ELMO1: variants seen among roughly 807,000 people sequenced by gnomAD.
ELMO1 encodes the protein engulfment and cell motility 1, also known as engulfment and cell motility protein 1.
In ELMO1, 26 loss-of-function variants were observed where a neutral mutation model predicts 98.9. The ratio of observed to expected loss-of-function variants is 0.26; its 90% confidence interval spans 0.19 to 0.36. The LOEUF (loss-of-function observed/expected upper bound fraction) is 0.36. Ranked by LOEUF, ELMO1 falls within the 10% of genes least tolerant of loss-of-function variation. The pLI is 1.00. For synonymous variants in ELMO1, 346 were observed against 346.0 expected (o/e 1.00, Z 0.00); for missense variants, 627 against 935.2 (o/e 0.67, Z 4.30).
At chr7:36,938,049 T>G (rs1786700375) in intron 16 of ELMO1, among the ~76,000 whole-genome samples, 1 of 152,180 alleles carries the variant, frequency 6.6e-6, no homozygotes, top group Non-Finnish European at 1.5e-5. Flanking sequence ...CTTGCCAGTT[T>G]ATGAAACATC....
At chr7:37,428,905 G>A (rs1396015739) in intron 1 of ELMO1, among the ~76,000 whole-genome samples, 2 of 152,204 alleles carry the variant, frequency 1.3e-5, no homozygotes, top group African/African-American at 4.8e-5. Flanking sequence ...TGCAAATAGT[G>A]TGGGATGGTG....
chr7:37,372,998 A>G (rs1203158074), intron 1 of ELMO1, among the ~76,000 whole-genome samples: 1 of 152,228 alleles, frequency 6.6e-6, no homozygotes, highest in Non-Finnish European at 1.5e-5. Flanking sequence ...AGACTTCCAC[A>G]GCTGGTACGG....
intron 16 of ELMO1, among the ~76,000 whole-genome samples, chr7:37,004,809 A>T (rs2129165700): frequency 6.6e-6 from 1 of 152,280 alleles, no homozygotes; most frequent in South Asian, 2.1e-4. Context: ...TAGTTTAACC[A>T]TTTTTATGAA....
At chr7:37,250,260 CAG>C (rs1554282541) in intron 6 of ELMO1, among the ~76,000 whole-genome samples, 10 of 151,900 alleles carry the variant, frequency 6.6e-5, no homozygotes, top group Non-Finnish European at 1.0e-4. Context: ...ACAAAAATGA[CAG>C]GGGAGAATAA....
rs149101500 is a variant in ELMO1 at position 36,956,995 on chromosome 7, G to T, written c.1437+56304C>A. The stretch of plus-strand genomic sequence containing the variant: ...AGTTATGTTCCATGGTAATGTTGTC[G>T]ATTTCCCACAAACTGTGATCTCCCC... On this transcript the variant is annotated intron_variant, in intron 16 of 21. Coordinates refer to ENST00000310758, the MANE Select transcript of ELMO1 (RefSeq NM_014800.11). Among the ~76,000 whole-genome samples the T allele has an allele frequency of 4.4e-3, 676 of 152,316 alleles. 2 individuals are homozygous for T. The highest frequency in any genetic ancestry group is 6.8e-3 in the Middle Eastern group (2 of 294).
intron 1 of ELMO1, among the ~76,000 whole-genome samples, chr7:37,426,613 C>T (rs1288653552): frequency 6.6e-6 from 1 of 152,162 alleles, no homozygotes; most frequent in Admixed American, 6.5e-5. Context: ...ATACCAGCAT[C>T]TCGTTTGGAT....
intron 17 of ELMO1, among the ~76,000 whole-genome samples, chr7:36,888,454 C>G (rs1805238471): frequency 6.6e-6 from 1 of 152,064 alleles, no homozygotes; most frequent in Non-Finnish European, 1.5e-5. Flanking sequence ...CAGGGAGACC[C>G]AGAGCCCATT....
chr7:37,318,207 G>A (rs1011197164), intron 2 of ELMO1, among the ~76,000 whole-genome samples: 3 of 152,132 alleles, frequency 2.0e-5, no homozygotes, highest in African/African-American at 7.2e-5. Context: ...TCAACCAAAT[G>A]ACAAAGGAAC....
chr7:37,322,885 C>T (rs1021504109), intron 2 of ELMO1, among the ~76,000 whole-genome samples: 1 of 152,158 alleles, frequency 6.6e-6, no homozygotes. Context: ...ATAATTTATA[C>T]AAATCATCAC....
intron 16 of ELMO1, among the ~76,000 whole-genome samples, chr7:36,953,487 C>T (rs1285115621): frequency 1.3e-5 from 2 of 152,016 alleles, no homozygotes; most frequent in Non-Finnish European, 1.5e-5. Flanking sequence ...GTGAACTATC[C>T]CTATCATTTA....
intron 1 of ELMO1, among the ~76,000 whole-genome samples, chr7:37,411,495 C>T (rs1294301086): frequency 1.3e-5 from 2 of 152,032 alleles, no homozygotes; most frequent in African/African-American, 2.4e-5. Context: ...CTGGCTATTG[C>T]CCTTTAAGTG....
At chr7:36,953,032 C>T (rs141470739) in intron 16 of ELMO1, among the ~76,000 whole-genome samples, 4 of 135,986 alleles carry the variant, frequency 2.9e-5, no homozygotes, top group Non-Finnish European at 4.6e-5. Flanking sequence ...AGTACAGTGG[C>T]GCGATCTCGG....
At chr7:36,909,580 T>G (rs562967174) in intron 16 of ELMO1, among the ~76,000 whole-genome samples, 1 of 152,256 alleles carries the variant, frequency 6.6e-6, no homozygotes, top group African/African-American at 2.4e-5. Context: ...TTGGTTCTTT[T>G]TTCGTGTGTG....
chr7:37,343,780 T>C (rs552173831), intron 1 of ELMO1, among the ~76,000 whole-genome samples: 1 of 152,118 alleles, frequency 6.6e-6, no homozygotes, highest in South Asian at 2.1e-4. Context: ...CAGCCCCATT[T>C]CTTTTTAAAA....
chr7:37,238,749 T>C (rs569519312), intron 7 of ELMO1, among the ~76,000 whole-genome samples: 1 of 152,210 alleles, frequency 6.6e-6, no homozygotes, highest in Non-Finnish European at 1.5e-5. Context: ...ATTTTTATTA[T>C]TAATATACAT....
intron 11 of ELMO1, among the ~76,000 whole-genome samples, chr7:37,215,493 C>A: frequency 6.6e-6 from 1 of 152,124 alleles, no homozygotes; most frequent in Non-Finnish European, 1.5e-5. Context: ...ATGAATCAGT[C>A]CAGAGCCTTG....
chr7:37,374,934 C>T (rs1987067), intron 1 of ELMO1, among the ~76,000 whole-genome samples: 26,620 of 151,536 alleles, frequency 0.18, 2,949 homozygotes, highest in East Asian at 0.59. Context: ...GTGATGCATG[C>T]CTGTAATCCC....
chr7:37,270,067 T>C (rs774364268), intron 5 of ELMO1: 1 of 152,192 alleles, frequency 6.6e-6, no homozygotes, highest in African/African-American at 2.4e-5. Context: ...CAAGGTCTAC[T>C]TTTTCTGTCC....
chr7:37,414,350 C>T lies in ELMO1; in HGVS notation c.-74+34325G>A, dbSNP rs185865090. ...TACAGAAATATTCACCAAAAATATC[C>T]GAGGGGGAAAACCCCTGTACATTAC... On this transcript the variant is annotated intron_variant, in intron 1 of 21. Coordinates refer to ENST00000310758, the MANE Select transcript of ELMO1 (RefSeq NM_014800.11). Among the ~76,000 whole-genome samples the T allele has an allele frequency of 2.7e-3, 418 of 152,198 alleles. 2 individuals are homozygous for T. Among genetic ancestry groups the T allele is most frequent in the Non-Finnish European group, 3.5e-3 (235 of 68,018 alleles).
Sources: gnomAD v4.1 joint callset for allele counts (sites outside exome capture counted in the v4.1 genomes callset) on GRCh38, gnomAD v4.1.1 for gene constraint, MANE v1.5 for transcripts, NCBI Gene and HGNC (gene_info 2026-07-23, HGNC 2026-07-21) for gene names.